Variants in ACTL6A observed in about 807,000 individuals in gnomAD.
ACTL6A encodes the protein actin like 6A, also known as actin-like protein 6A.
ACTL6A carries 5 observed loss-of-function variants against 59.2 expected under a neutral mutation model. That is an observed-to-expected ratio of 0.08 (90% CI 0.04 to 0.18). The LOEUF (loss-of-function observed/expected upper bound fraction) is 0.18. Among genes scored for constraint, ACTL6A ranks in the 10% least tolerant of loss-of-function variants. ACTL6A has a pLI of 1.00. For missense variants in ACTL6A, 285 were observed against 526.9 expected, an observed-to-expected ratio of 0.54 and a Z score of 4.49; for synonymous variants, 154 against 171.8, an observed-to-expected ratio of 0.90 and a Z score of 0.81.
intron 5 of ACTL6A, chr3:179,575,224 G>A (rs796503129): frequency 1.1e-5 from 4 of 371,210 alleles, no homozygotes; most frequent in Middle Eastern, 3.7e-4. Flanking sequence ...CTTTCAGACC[G>A]TGCTGAGGTA....
At chr3:179,563,261 C>T in intron 1 of ACTL6A, 144 bp downstream of exon 1, 1 of 1,351,852 alleles carries the variant, frequency 7.4e-7, no homozygotes, top group Non-Finnish European at 9.9e-7. Context: ...CCCCGCCCCA[C>T]GCTCTGCCCG....
At chr3:179,578,223 G>A (rs1448167695) in intron 8 of ACTL6A, among the ~76,000 whole-genome samples, 2 of 152,228 alleles carry the variant, frequency 1.3e-5, no homozygotes, top group South Asian at 2.1e-4. Flanking sequence ...GGGAGGCCGA[G>A]GCGGGTGGAT....
At chr3:179,569,935 A>T in intron 2 of ACTL6A, 35 bp downstream of exon 2, 1 of 1,597,038 alleles carries the variant, frequency 6.3e-7, no homozygotes, top group Non-Finnish European at 8.6e-7. Context: ...GGATATGTAA[A>T]GCCATTCATG....
intron 13 of ACTL6A, 74 bp from the exon 14 acceptor site, chr3:179,587,854 CAA>C (rs534630098): frequency 8.6e-5 from 90 of 1,044,804 alleles, no homozygotes; most frequent in Middle Eastern, 2.4e-4. Flanking sequence ...GACCTTCTCT[CAA>C]AAAAAAAAAA....
At chr3:179,585,899 G>GAT in intron 12 of ACTL6A, among the ~76,000 whole-genome samples, 1 of 152,286 alleles carries the variant, frequency 6.6e-6, no homozygotes, top group Non-Finnish European at 1.5e-5. Context: ...AAACTAACCT[G>GAT]ATATCTGATG....
chr3:179,568,891 A>G (rs977875270), intron 1 of ACTL6A, among the ~76,000 whole-genome samples: 20 of 152,242 alleles, frequency 1.3e-4, no homozygotes, highest in African/African-American at 3.9e-4. Flanking sequence ...GCTATTATGT[A>G]CATTTTACAT....
chr3:179,570,183 T>A lies in ACTL6A; in HGVS notation c.219T>A (p.Asn73Lys). ...QGGPTYYIDTNALRVPRENME... is the reference protein window; with the variant it reads ...QGGPTYYIDTKALRVPRENME... ...GTCCCACCTACTACATAGATACTAATGCTCTGCGTGTTCCGAGGGAGAATA... is the reference window on the plus strand; with the variant it reads ...GTCCCACCTACTACATAGATACTAAAGCTCTGCGTGTTCCGAGGGAGAATA... The change falls in exon 3 of 14, where the codon AAT (asparagine) becomes AAA (lysine). Residue 73 changes from asparagine to lysine, a missense_variant. Physicochemically the swap from Asn to Lys is moderately conservative, Grantham distance 94. Coordinates refer to ENST00000429709, the MANE Select transcript of ACTL6A (RefSeq NM_004301.5). This position sits in a 1 kb window ranked among gnomAD's most constrained non-coding sequence, Gnocchi z 4.3. 1 of 1,614,134 alleles carries A rather than the reference T, an allele frequency of 6.2e-7. No individual in the cohort carries two copies.
At position 179,574,389 on chromosome 3, in the gene ACTL6A, G is replaced by A; in HGVS notation, c.398G>A (p.Arg133Lys). 6.2e-7 allele frequency: 1 copy of A among 1,612,488 alleles called. No individual in the cohort carries two copies. Among genetic ancestry groups the A allele is most frequent in the Non-Finnish European group, 8.5e-7 (1 of 1,178,756 alleles). Residue 133 changes from arginine (R) to lysine (K), a missense_variant, in exon 5 of 14, where the codon AGA becomes AAA. Coordinates refer to ENST00000429709, the MANE Select transcript of ACTL6A (RefSeq NM_004301.5). ...CTCAAGTGGAATACTAGAGCAAAGA[G>A]AGAGAAACTGACAGAGTTAATGTTT... is the stretch of plus-strand genomic sequence containing the variant. Reference protein sequence around the residue: ...SEAPWNTRAKREKLTELMFEH... With the variant: ...SEAPWNTRAKKEKLTELMFEH...
At position 179,574,937 on chromosome 3, in the gene ACTL6A, A is replaced by G. The variant is rs373430510; in HGVS notation, c.476+470A>G. The G allele has an allele frequency of 1.2e-4, 22 of 176,144 alleles. No homozygotes were observed. The East Asian group carries it at 3.4e-3, about 27-fold the overall frequency. 10.9% of individuals were successfully genotyped at this position (176,144 alleles called of 1,614,324 possible). ...ACAGCATTAGGTGGAAGCTATTTCC[A>G]GGATTACTGAAGCACGTCCTCTTGT... On this transcript the variant is annotated intron_variant, in intron 5 of 13. Coordinates refer to ENST00000429709, the MANE Select transcript of ACTL6A (RefSeq NM_004301.5).
intron 10 of ACTL6A, 45 bp from the exon 11 acceptor site, chr3:179,581,095 T>C (rs2108367634): frequency 1.2e-5 from 19 of 1,602,874 alleles, no homozygotes; most frequent in Non-Finnish European, 1.6e-5. Flanking sequence ...TATGCTTTAC[T>C]GTATGAAGAG....
chr3:179,582,221 T>C (rs193133184), intron 11 of ACTL6A, among the ~76,000 whole-genome samples: 2 of 152,366 alleles, frequency 1.3e-5, no homozygotes, highest in East Asian at 3.9e-4. Flanking sequence ...AGTATATTTA[T>C]TGCAACAGTG....
rs1216088027 is a variant in ACTL6A, at chr3:179,588,032, C to A, written c.*22C>A. 6.4e-7 allele frequency: 1 copy of A among 1,564,202 alleles called. No homozygotes were observed. Among genetic ancestry groups the A allele is most frequent in the South Asian group, 1.2e-5 (1 of 83,818 alleles). On this transcript the variant is annotated 3_prime_UTR_variant, in exon 14 of 14. Coordinates refer to ENST00000429709, the MANE Select transcript of ACTL6A (RefSeq NM_004301.5). ...TTGAGAAAGAGTTCCCAAGCTTCTA[C>A]CTTCCTTTTGTCACCTTACGTTTCA... is the stretch of plus-strand genomic sequence containing the variant.
intron 1 of ACTL6A, among the ~76,000 whole-genome samples, chr3:179,564,633 T>C (rs1717774983): frequency 6.6e-6 from 1 of 152,222 alleles, no homozygotes. Flanking sequence ...TCTGAGAATT[T>C]AGAGTCTTAA....
At position 179,586,595 on chromosome 3, in the gene ACTL6A, T is replaced by G. The variant is rs746446195; in HGVS notation, c.1172T>G (p.Phe391Cys). The G allele has an allele frequency of 6.2e-7, 1 of 1,600,726 alleles. No individual in the cohort carries two copies. The highest frequency in any genetic ancestry group is 8.5e-7 in the Non-Finnish European group (1 of 1,176,256). ...AATAATACAACAGTGGAACGGAGGT[T>G]TAGCTCATGGATTGGCGGCTCCATT... ...IANNTTVERR[F>C]SSWIGGSILA... The change falls in exon 13 of 14, where the codon TTT becomes TGT. Residue 391 changes from phenylalanine to cysteine, a missense_variant. Transcript: ENST00000429709.
Position 179,574,374 on chromosome 3 carries a change from A to G in ACTL6A, c.383A>G (p.Asn128Ser). ...HPVLMSEAPW[N>S]TRAKREKLTE... Reference sequence around the variant, plus strand: ...TCTTTTTCCCCTCTTCTCAAGTGGAATACTAGAGCAAAGAGAGAGAAACTG... The same window carrying G: ...TCTTTTTCCCCTCTTCTCAAGTGGAGTACTAGAGCAAAGAGAGAGAAACTG... Residue 128 changes from asparagine to serine, a missense_variant, in exon 5 of 14, where the codon AAT (asparagine) becomes AGT (serine). Transcript: ENST00000429709. 1 of 1,602,638 alleles carries G rather than the reference A, an allele frequency of 6.2e-7. No individual in the cohort carries two copies. The highest frequency in any genetic ancestry group is 8.5e-7 in the Non-Finnish European group (1 of 1,169,918).
At position 179,563,062 on chromosome 3, in the gene ACTL6A, C is replaced by T. The variant is rs1717711735; in HGVS notation, c.-31C>T. 6.2e-7 allele frequency: 1 copy of T among 1,610,076 alleles called. No homozygotes were observed. ...CACTGCAGTCACTTCGCCAGTTAGCCCTTAGGGTAGGAGTCGCGCCGGCAG... is the reference window on the plus strand; with the variant it reads ...CACTGCAGTCACTTCGCCAGTTAGCTCTTAGGGTAGGAGTCGCGCCGGCAG... On this transcript the variant is annotated 5_prime_UTR_variant, in exon 1 of 14. Coordinates refer to ENST00000429709, the MANE Select transcript of ACTL6A (RefSeq NM_004301.5).
At chr3:179,565,927 T>C (rs1717820967) in intron 1 of ACTL6A, among the ~76,000 whole-genome samples, 1 of 152,160 alleles carries the variant, frequency 6.6e-6, no homozygotes, top group South Asian at 2.1e-4. Context: ...GGAGGCACAA[T>C]ATCTGTAGGG....
At chr3:179,566,593 T>C (rs187561359) in intron 1 of ACTL6A, among the ~76,000 whole-genome samples, 1 of 152,274 alleles carries the variant, frequency 6.6e-6, no homozygotes, top group Non-Finnish European at 1.5e-5. Flanking sequence ...TCTTCTGAGG[T>C]CTGTCTCTGT....
intron 12 of ACTL6A, 74 bp from the exon 13 acceptor site, chr3:179,586,467 GAAAAA>G: frequency 4.5e-5 from 34 of 749,362 alleles, no homozygotes; most frequent in Non-Finnish European, 5.1e-5. Context: ...GTCTCTATTT[GAAAAA>G]AAAAAAAAAA....
Sources: gnomAD v4.1 joint callset for allele counts (sites outside exome capture counted in the v4.1 genomes callset) on GRCh38, gnomAD v4.1.1 for gene constraint, Gnocchi (gnomAD v3.1) non-coding constraint, MANE v1.5 for transcripts, NCBI Gene and HGNC (gene_info 2026-07-23, HGNC 2026-07-21) for gene names.